The following TSHZ2 variants were observed in gnomAD, a reference collection of about 807,000 sequenced individuals.
The protein encoded by TSHZ2 is teashirt zinc finger homeobox 2.
A neutral mutation model predicts 74.4 loss-of-function variants in TSHZ2; 21 were observed. That is an observed-to-expected ratio of 0.28 (90% CI 0.20 to 0.41). TSHZ2 has a LOEUF of 0.41. TSHZ2 is among the 10% of genes least tolerant of loss of function. The pLI, the probability that TSHZ2 is intolerant of heterozygous loss-of-function variation, is 1.00. For missense variants in TSHZ2, 1,244 were observed against 1,293.5 expected (o/e 0.96, Z 0.59); for synonymous variants, 540 against 515.3 (o/e 1.05, Z -0.65).
At chr20:52,987,763 A>C (rs1456707513) in intron 1 of TSHZ2, among the ~76,000 whole-genome samples, 4 of 152,160 alleles carry the variant, frequency 2.6e-5, no homozygotes, top group Non-Finnish European at 4.4e-5. Context: ...AAGGAGAAAG[A>C]CAAGCAATCC....
At chr20:53,227,848 T>G (rs1286789348) in intron 1 of TSHZ2, among the ~76,000 whole-genome samples, 3 of 152,118 alleles carry the variant, frequency 2.0e-5, no homozygotes, top group African/African-American at 7.2e-5. Flanking sequence ...GCTGTTACAG[T>G]ATTTTTTCCT....
chr20:53,463,894 G>T (rs1014101753), intron 2 of TSHZ2, among the ~76,000 whole-genome samples: 2 of 152,234 alleles, frequency 1.3e-5, no homozygotes, highest in East Asian at 1.9e-4. Context: ...GATTAAATAA[G>T]ATATAATTGG....
At chr20:53,312,419 C>T (rs1385334012) in intron 2 of TSHZ2, among the ~76,000 whole-genome samples, 1 of 152,140 alleles carries the variant, frequency 6.6e-6, no homozygotes, top group African/African-American at 2.4e-5. Context: ...CCCTGAATGG[C>T]AGTGATTGTT....
chr20:53,246,904 G>A (rs1204117121), intron 1 of TSHZ2, among the ~76,000 whole-genome samples: 5 of 152,186 alleles, frequency 3.3e-5, no homozygotes, highest in Non-Finnish European at 5.9e-5. Flanking sequence ...GTATGCAAGC[G>A]CGGTACATGT....
At chr20:52,997,363 G>A (rs1274340835) in intron 1 of TSHZ2, among the ~76,000 whole-genome samples, 2 of 152,010 alleles carry the variant, frequency 1.3e-5, no homozygotes, top group Non-Finnish European at 1.5e-5. Flanking sequence ...ACGTGGACTG[G>A]CAGTCCTGAG....
At chr20:53,469,127 T>C (rs969561279) in intron 2 of TSHZ2, among the ~76,000 whole-genome samples, 1 of 145,382 alleles carries the variant, frequency 6.9e-6, no homozygotes, top group Non-Finnish European at 1.5e-5. Flanking sequence ...GTTTCACTTA[T>C]AATTATTCAG....
At chr20:53,127,789 G>C (rs1376826663) in intron 1 of TSHZ2, among the ~76,000 whole-genome samples, 1 of 152,210 alleles carries the variant, frequency 6.6e-6, no homozygotes. Flanking sequence ...GTGAGACTCA[G>C]AGAGACAAGA....
intron 1 of TSHZ2, among the ~76,000 whole-genome samples, chr20:53,048,165 A>G (rs1984295777): frequency 6.6e-6 from 1 of 152,152 alleles, no homozygotes; most frequent in African/African-American, 2.4e-5. Context: ...CAGTGTCACA[A>G]CATGGACTCC....
chr20:53,327,602 A>G (rs768104116), intron 2 of TSHZ2, among the ~76,000 whole-genome samples: 5 of 152,234 alleles, frequency 3.3e-5, no homozygotes, highest in Non-Finnish European at 5.9e-5. Context: ...TAGTCCTGTG[A>G]TTGCCTGTTT....
chr20:53,270,780 AT>A (rs935793808), intron 2 of TSHZ2, among the ~76,000 whole-genome samples: 1 of 152,112 alleles, frequency 6.6e-6, no homozygotes, highest in Non-Finnish European at 1.5e-5. Flanking sequence ...TTTATTTGGT[AT>A]TTTTTTATCG....
intron 2 of TSHZ2, among the ~76,000 whole-genome samples, chr20:53,306,531 C>T (rs939543186): frequency 2.6e-5 from 4 of 152,048 alleles, no homozygotes; most frequent in South Asian, 2.1e-4. Context: ...TTTGCTGCTG[C>T]GTCTCAATGC....
chr20:53,322,679 A>C (rs1047765685), intron 2 of TSHZ2, among the ~76,000 whole-genome samples: 9 of 152,170 alleles, frequency 5.9e-5, no homozygotes, highest in African/African-American at 1.7e-4. Flanking sequence ...TCCAAGCCCA[A>C]GCTGCCACTG....
intron 2 of TSHZ2, among the ~76,000 whole-genome samples, chr20:53,316,234 T>C (rs1979010860): frequency 6.6e-6 from 1 of 152,224 alleles, no homozygotes. Context: ...ATCTCACTCA[T>C]CACTTGGTTC....
At chr20:53,053,406 T>A (rs1359615142) in intron 1 of TSHZ2, among the ~76,000 whole-genome samples, 1 of 152,156 alleles carries the variant, frequency 6.6e-6, no homozygotes, top group Admixed American at 6.6e-5. Flanking sequence ...CTACCAAATG[T>A]GCTTAGGTTT....
intron 2 of TSHZ2, among the ~76,000 whole-genome samples, chr20:53,352,561 G>T (rs547266520): frequency 1.3e-5 from 2 of 152,048 alleles, no homozygotes; most frequent in Non-Finnish European, 2.9e-5. Context: ...GTCACGTGAG[G>T]TCAGGACTTC....
chr20:53,295,289 T>A (rs1991355507), intron 2 of TSHZ2, among the ~76,000 whole-genome samples: 1 of 152,214 alleles, frequency 6.6e-6, no homozygotes, highest in Non-Finnish European at 1.5e-5. Context: ...GCCTTGCAGC[T>A]TTCTAGATGT....
In TSHZ2 at chr20:53,492,956, T is replaced by TC. The variant is rs1986486645; in HGVS notation, c.*5822dup. On this transcript the variant is annotated 3_prime_UTR_variant, in exon 3 of 3. Coordinates refer to ENST00000371497, the MANE Select transcript of TSHZ2 (RefSeq NM_173485.6). Reference sequence around the variant, plus strand: ...ACTGCAACCATGCCTGTAGAATGTTTCTGTGCAAGCGCACTAATTTTCTAT... The same window carrying TC: ...ACTGCAACCATGCCTGTAGAATGTTTCCTGTGCAAGCGCACTAATTTTCTAT... 6.6e-6 allele frequency: 1 copy of TC among 152,222 alleles called. No homozygotes were observed. Among genetic ancestry groups the TC allele is most frequent in the African/African-American group, 2.4e-5 (1 of 41,460 alleles). 9.4% of individuals were successfully genotyped at this position (152,222 alleles called of 1,614,324 possible).
At chr20:53,467,089 T>G (rs977746868) in intron 2 of TSHZ2, among the ~76,000 whole-genome samples, 1 of 152,222 alleles carries the variant, frequency 6.6e-6, no homozygotes. Flanking sequence ...TACTGTCAGG[T>G]AGTACTGAGG....
intron 2 of TSHZ2, among the ~76,000 whole-genome samples, chr20:53,307,385 C>T (rs1308800132): frequency 2.0e-5 from 3 of 152,170 alleles, no homozygotes; most frequent in Admixed American, 1.3e-4. Context: ...ATTGGATGGG[C>T]TTGGGTGGTC....
Sources: allele counts gnomAD v4.1 joint callset (sites outside exome capture counted in the v4.1 genomes callset), GRCh38; gene constraint gnomAD v4.1.1; transcripts MANE v1.5; gene names NCBI Gene and HGNC (gene_info 2026-07-23, HGNC 2026-07-21).